GRM3: variants seen among roughly 807,000 people sequenced by gnomAD.
The protein encoded by GRM3 is glutamate metabotropic receptor 3, also known as metabotropic glutamate receptor 3.
GRM3 carries 26 observed loss-of-function variants against 70.5 expected under a neutral mutation model. That is an observed-to-expected ratio of 0.37 (90% CI 0.27 to 0.51). The LOEUF (loss-of-function observed/expected upper bound fraction) is 0.51, where lower values mean the gene tolerates loss of function less well. GRM3 is among the 20% of genes least tolerant of loss of function. GRM3 has a pLI of 0.93. For synonymous variants in GRM3, 443 were observed against 434.9 expected (o/e 1.02, Z -0.23); for missense variants, 859 against 1,123.8 (o/e 0.76, Z 3.37).
chr7:86,688,964 AATTAATTTATTATAT>A (rs1488638835), intron 1 of GRM3, among the ~76,000 whole-genome samples: 10 of 148,226 alleles, frequency 6.7e-5, no homozygotes, highest in Non-Finnish European at 1.0e-4. Context: ...AGTCTTGGTC[AATTAATTTATTATAT>A]ATTAATTTAT....
intron 1 of GRM3, among the ~76,000 whole-genome samples, chr7:86,725,422 C>A (rs964895005): frequency 1.3e-5 from 2 of 152,026 alleles, no homozygotes; most frequent in African/African-American, 4.8e-5. Context: ...TGATGTGATA[C>A]CTCAAGGCTT....
chr7:86,804,566 C>T (rs772842886), intron 3 of GRM3, among the ~76,000 whole-genome samples: 31 of 152,226 alleles, frequency 2.0e-4, no homozygotes, highest in African/African-American at 7.5e-4. Context: ...CCCATCACCA[C>T]GTCCAGCTAA....
chr7:86,690,868 C>G (rs11983575), intron 1 of GRM3, among the ~76,000 whole-genome samples: 5,172 of 152,140 alleles, frequency 0.034, 288 homozygotes, highest in African/African-American at 0.12. Flanking sequence ...CAGAAGACAT[C>G]ATGTATAAAG....
At chr7:86,822,190 T>C (rs1035094193) in intron 3 of GRM3, among the ~76,000 whole-genome samples, 4 of 152,076 alleles carry the variant, frequency 2.6e-5, no homozygotes, top group African/African-American at 9.7e-5. Context: ...GAATATACGG[T>C]GCAGGATAAA....
intron 1 of GRM3, among the ~76,000 whole-genome samples, chr7:86,760,537 T>A (rs931850707): frequency 6.6e-6 from 1 of 152,192 alleles, no homozygotes; most frequent in South Asian, 2.1e-4. Context: ...GGCTGATTTA[T>A]AATGAAAAGA....
At chr7:86,727,786 C>T (rs1795625468) in intron 1 of GRM3, among the ~76,000 whole-genome samples, 1 of 152,160 alleles carries the variant, frequency 6.6e-6, no homozygotes, top group African/African-American at 2.4e-5. Flanking sequence ...AGTCCACAAA[C>T]ATTGGCTTTT....
At chr7:86,778,950 T>C (rs138353179) in intron 2 of GRM3, among the ~76,000 whole-genome samples, 19 of 152,330 alleles carry the variant, frequency 1.2e-4, no homozygotes, top group African/African-American at 4.3e-4. Context: ...TAATTCAGTA[T>C]GACTGGTATT....
At chr7:86,721,554 AT>A (rs1459485749) in intron 1 of GRM3, among the ~76,000 whole-genome samples, 1 of 152,008 alleles carries the variant, frequency 6.6e-6, no homozygotes, top group Non-Finnish European at 1.5e-5. Flanking sequence ...CACTGGATTA[AT>A]ACTAAAGTTA....
intron 2 of GRM3, among the ~76,000 whole-genome samples, chr7:86,773,210 AC>A (rs1221265893): frequency 1.3e-5 from 2 of 151,942 alleles, no homozygotes; most frequent in Admixed American, 6.6e-5. Context: ...GTACATGTGT[AC>A]CTAGTAATAT....
At position 86,643,913 on chromosome 7, in the gene GRM3, T is replaced by C. The variant is rs1176865019; in HGVS notation, c.-1100T>C. The C allele has an allele frequency of 6.6e-6, 1 of 152,274 alleles. No homozygotes were observed. The highest frequency in any genetic ancestry group is 2.4e-5 in the African/African-American group (1 of 41,438). 9.4% of individuals were successfully genotyped at this position (152,274 alleles called of 1,614,324 possible). On this transcript the variant is annotated 5_prime_UTR_variant, in exon 1 of 6. Coordinates refer to ENST00000361669, the MANE Select transcript of GRM3 (RefSeq NM_000840.3). ...ACAAACCCTCTCCAGGGGCTCGCAG[T>C]GTGCAGTTGAGTCGCGAGTACGGCT...
chr7:86,833,094 T>TA (rs372187529), intron 3 of GRM3: 1 of 980,408 alleles, frequency 1.0e-6, no homozygotes. Context: ...TGATGATGCT[T>TA]ACTCCCATGG....
At position 86,827,480 on chromosome 7, in the gene GRM3, G is replaced by A. The variant is rs932310596; in HGVS notation, c.1325-11359G>A. ...TCACAACACATATATCTGAAAAGTAGTCATATCTGGAAAATATAAAAAACT... is the reference window on the plus strand; with the variant it reads ...TCACAACACATATATCTGAAAAGTAATCATATCTGGAAAATATAAAAAACT... On this transcript the variant is annotated intron_variant, in intron 3 of 5. Transcript: ENST00000361669. Among the ~76,000 whole-genome samples, 3 of 151,744 alleles carry A rather than the reference G, an allele frequency of 2.0e-5. 1 individual carries two copies. The South Asian group carries it at 6.2e-4, about 32-fold the overall frequency.
At chr7:86,754,791 A>G (rs1796306462) in intron 1 of GRM3, among the ~76,000 whole-genome samples, 1 of 152,122 alleles carries the variant, frequency 6.6e-6, no homozygotes, top group Non-Finnish European at 1.5e-5. Flanking sequence ...TTATTGTCTC[A>G]TGTTACTGGG....
chr7:86,859,939 T>G (rs914795019), intron 5 of GRM3, among the ~76,000 whole-genome samples: 2 of 152,212 alleles, frequency 1.3e-5, no homozygotes, highest in African/African-American at 2.4e-5. Flanking sequence ...AATATGCCTT[T>G]TGATGGCTGT....
chr7:86,698,920 T>C (rs1012089209), intron 1 of GRM3, among the ~76,000 whole-genome samples: 4 of 152,046 alleles, frequency 2.6e-5, no homozygotes, highest in Admixed American at 1.3e-4. Context: ...TAGCAGTATG[T>C]ATTGTTACTA....
intron 2 of GRM3, among the ~76,000 whole-genome samples, chr7:86,778,504 T>C (rs1261538115): frequency 6.6e-6 from 1 of 152,194 alleles, no homozygotes; most frequent in East Asian, 1.9e-4. Context: ...CTGTTTGAAA[T>C]TGATACATCA....
chr7:86,819,170 A>G (rs1047303737), intron 3 of GRM3, among the ~76,000 whole-genome samples: 1 of 152,128 alleles, frequency 6.6e-6, no homozygotes, highest in Non-Finnish European at 1.5e-5. Context: ...TGCTGAATTC[A>G]TAGGATGAAA....
chr7:86,862,381 T>C (rs1246345787), intron 5 of GRM3, among the ~76,000 whole-genome samples: 13 of 152,176 alleles, frequency 8.5e-5, no homozygotes, highest in Non-Finnish European at 1.5e-5. Flanking sequence ...ATTTTTCTAA[T>C]TAAAGTATTT....
chr7:86,850,757 CA>C (rs1798741356), intron 5 of GRM3, among the ~76,000 whole-genome samples: 1 of 152,152 alleles, frequency 6.6e-6, no homozygotes, highest in Admixed American at 6.6e-5. Context: ...GCAGCACATA[CA>C]GTCTAGCAGG....
Sources: gnomAD v4.1 joint callset for allele counts (sites outside exome capture counted in the v4.1 genomes callset) on GRCh38, gnomAD v4.1.1 for gene constraint, MANE v1.5 for transcripts, NCBI Gene and HGNC (gene_info 2026-07-23, HGNC 2026-07-21) for gene names.